The following VANGL1 variants were observed in gnomAD, a reference collection of about 807,000 sequenced individuals.
VANGL1 encodes vang-like protein 1.
A neutral mutation model predicts 48.4 loss-of-function variants in VANGL1; 18 were observed. That is an observed-to-expected ratio of 0.37 (90% CI 0.26 to 0.55). The LOEUF is 0.55. Among genes scored for constraint, VANGL1 ranks in the 20% least tolerant of loss-of-function variants. VANGL1 has a pLI of 0.81. For missense variants in VANGL1, 667 were observed against 675.8 expected (o/e 0.99, Z 0.14); for synonymous variants, 257 against 261.8 (o/e 0.98, Z 0.18).
intron 2 of VANGL1, among the ~76,000 whole-genome samples, chr1:115,655,478 C>G (rs543447013): frequency 1.4e-4 from 21 of 152,328 alleles, no homozygotes; most frequent in Admixed American, 1.2e-3. Context: ...CTTCCTGCCC[C>G]TCACACAACA....
Position 115,663,986 on chromosome 1 carries a change from C to G in VANGL1, c.530C>G (p.Ala177Gly). ...GCACTTTTTTTCCGCAAGCGGAGAG[C>G]TGACATGCCACGGGTGTTTGTGTTT... ...TWALFFRKRRADMPRVFVFRA... is the reference protein window; with the variant it reads ...TWALFFRKRRGDMPRVFVFRA... The change falls in exon 4 of 8, where the codon GCT becomes GGT. Residue 177 changes from alanine (A) to glycine (G), a missense_variant. Physicochemically the swap from Ala to Gly is moderately conservative, Grantham distance 60 (BLOSUM62 0). Coordinates refer to ENST00000355485, the MANE Select transcript of VANGL1 (RefSeq NM_138959.3). The G allele has an allele frequency of 6.2e-7, 1 of 1,614,234 alleles. No individual in the cohort carries two copies.
rs1654013906 is a variant in VANGL1 at position 115,695,920 on chromosome 1, A to G, written c.*4541A>G. 6.6e-6 allele frequency: 1 copy of G among 152,176 alleles called. No homozygotes were observed. The highest frequency in any genetic ancestry group is 2.1e-4 in the South Asian group (1 of 4,830). The allele number at this position is 152,176 out of a possible 1,614,324, so 9.4% of individuals were successfully genotyped here. On this transcript the variant is annotated 3_prime_UTR_variant, in exon 8 of 8. Transcript: ENST00000355485. ...TCCTTGAACTAGAACCTGGGGTGAGAGTTCATTGGGAGGCAGGATCTCTTC... is the reference window on the plus strand; with the variant it reads ...TCCTTGAACTAGAACCTGGGGTGAGGGTTCATTGGGAGGCAGGATCTCTTC...
chr1:115,678,462 A>T (rs999585689), intron 4 of VANGL1, among the ~76,000 whole-genome samples: 2 of 152,162 alleles, frequency 1.3e-5, no homozygotes, highest in African/African-American at 4.8e-5. Flanking sequence ...TGTGGAAAAA[A>T]TGTAAACAAA....
In VANGL1 at chr1:115,663,876, T is replaced by C. The variant is rs1255460490; in HGVS notation, c.420T>C (p.Asp140=). 6.2e-7 allele frequency: 1 copy of C among 1,614,100 alleles called. No homozygotes were observed. The highest frequency in any genetic ancestry group is 8.5e-7 in the Non-Finnish European group (1 of 1,180,040). The change falls in exon 4 of 8, where the codon GAT becomes GAC. Residue 140 remains aspartate (D), a synonymous_variant. Transcript: ENST00000355485. ...TTTTACCTCCGATCCTGTGGAGGGA[T>C]GAGCTGGAGCCTTGTGGCACAATTT... ...FILLPPILWR[D]ELEPCGTICE...
chr1:115,687,713 G>GTGTT lies in VANGL1; in HGVS notation c.1314+2189_1314+2190insTTGT, dbSNP rs1300381344. Among the ~76,000 whole-genome samples the GTGTT allele has an allele frequency of 4.7e-5, 5 of 106,412 alleles. 1 individual carries two copies. The highest frequency in any genetic ancestry group is 1.5e-4 in the African/African-American group (4 of 26,296). 69.8% of individuals were successfully genotyped at this position (106,412 alleles called of 152,430 possible). On this transcript the variant is annotated intron_variant, in intron 7 of 7. Transcript: ENST00000355485. ...CATTGCTCTCTCTTTCTCTGTGTGTGTGTGTGTGTGTGTGTGTGTGTGTGT... is the reference window on the plus strand; with the variant it reads ...CATTGCTCTCTCTTTCTCTGTGTGTGTGTTTGTGTGTGTGTGTGTGTGTGTGTGT...
At chr1:115,658,623 T>C (rs1187728756) in intron 2 of VANGL1, among the ~76,000 whole-genome samples, 3 of 151,976 alleles carry the variant, frequency 2.0e-5, no homozygotes, top group Admixed American at 2.0e-4. Flanking sequence ...TGACGGCAAG[T>C]GGTTGTAGGA....
chr1:115,682,644 A>T (rs1653437062), intron 5 of VANGL1, 147 bp downstream of exon 5: 1 of 1,255,844 alleles, frequency 8.0e-7, no homozygotes, highest in Admixed American at 2.0e-5. Context: ...TTTTTTATGT[A>T]GGCAGACACA....
At chr1:115,684,923 C>T (rs1248202507) in intron 6 of VANGL1, among the ~76,000 whole-genome samples, 1 of 152,210 alleles carries the variant, frequency 6.6e-6, no homozygotes, top group African/African-American at 2.4e-5. Flanking sequence ...TCTCTCTGTA[C>T]AGAGCCTTTT....
chr1:115,661,704 A>G (rs1652558683), intron 3 of VANGL1, among the ~76,000 whole-genome samples: 1 of 151,512 alleles, frequency 6.6e-6, no homozygotes, highest in South Asian at 2.1e-4. Context: ...TGCAGCCTCT[A>G]CCTCCCGGGT....
intron 2 of VANGL1, among the ~76,000 whole-genome samples, chr1:115,655,316 A>G (rs1652303708): frequency 6.6e-6 from 1 of 152,348 alleles, no homozygotes; most frequent in South Asian, 2.1e-4. Context: ...ACTGTAAGTG[A>G]GAACAGTGAG....
At chr1:115,683,846 G>C (rs921926335) in intron 5 of VANGL1, 98 bp from the exon 6 acceptor site, 2 of 1,480,732 alleles carry the variant, frequency 1.4e-6, no homozygotes, top group Non-Finnish European at 1.9e-6. Context: ...TTCCATAGGG[G>C]GTGGGTAGAC....
At position 115,651,325 on chromosome 1, in the gene VANGL1, T is replaced by C; in HGVS notation, c.-89T>C. ...CTCCTCTTCTAATTTCCAGACTCCT[T>C]GAGGTTTTAGGAGTCTGGTAGGTGA... On this transcript the variant is annotated 5_prime_UTR_variant, in exon 2 of 8. Transcript: ENST00000355485. 1 of 1,134,358 alleles carries C rather than the reference T, an allele frequency of 8.8e-7. No individual in the cohort carries two copies. Among genetic ancestry groups the C allele is most frequent in the Non-Finnish European group, 1.3e-6 (1 of 760,930 alleles). The allele number at this position is 1,134,358 out of a possible 1,614,324, so 70.3% of individuals were successfully genotyped here.
intron 7 of VANGL1, 151 bp downstream of exon 7, chr1:115,685,678 GT>G: frequency 1.1e-6 from 1 of 894,086 alleles, no homozygotes; most frequent in Non-Finnish European, 1.8e-6. Flanking sequence ...CTTATTTTAT[GT>G]TATGTTAGTA....
At chr1:115,668,703 GCTGA>G (rs1345958314) in intron 4 of VANGL1, among the ~76,000 whole-genome samples, 1 of 152,136 alleles carries the variant, frequency 6.6e-6, no homozygotes, top group African/African-American at 2.4e-5. Flanking sequence ...GTCAGCTGAG[GCTGA>G]CTTTTTTTTC....
chr1:115,691,016 T>G, intron 7 of VANGL1, 103 bp from the exon 8 acceptor site: 1 of 1,538,632 alleles, frequency 6.5e-7, no homozygotes, highest in Non-Finnish European at 8.9e-7. Context: ...GCTGGTTTAT[T>G]TGGAAAAAGT....
At chr1:115,677,108 G>A (rs919322147) in intron 4 of VANGL1, among the ~76,000 whole-genome samples, 2 of 152,214 alleles carry the variant, frequency 1.3e-5, no homozygotes, top group African/African-American at 4.8e-5. Context: ...GGGAGGCAGT[G>A]GATGGTCTAG....
intron 3 of VANGL1, among the ~76,000 whole-genome samples, chr1:115,661,844 C>G (rs998766789): frequency 2.0e-5 from 3 of 152,160 alleles, no homozygotes; most frequent in African/African-American, 7.2e-5. Flanking sequence ...TCTCGAACTC[C>G]TGACCTCAGG....
intron 4 of VANGL1, among the ~76,000 whole-genome samples, chr1:115,668,354 G>A (rs1652866375): frequency 6.6e-6 from 1 of 152,206 alleles, no homozygotes; most frequent in Admixed American, 6.5e-5. Flanking sequence ...GCTTAGGGCT[G>A]GAACAGAGAG....
intron 4 of VANGL1, among the ~76,000 whole-genome samples, chr1:115,681,894 G>C (rs1403211997): frequency 6.6e-6 from 1 of 152,238 alleles, no homozygotes; most frequent in East Asian, 1.9e-4. Context: ...TTATACCCAG[G>C]GATACCAAGG....
Sources: gnomAD v4.1 joint callset for allele counts (sites outside exome capture counted in the v4.1 genomes callset) on GRCh38, gnomAD v4.1.1 for gene constraint, MANE v1.5 for transcripts, NCBI Gene and HGNC (gene_info 2026-07-23, HGNC 2026-07-21) for gene names.